Variants in NSUN2 observed in about 807,000 individuals in gnomAD.
NSUN2 encodes the protein RNA cytosine C(5)-methyltransferase NSUN2.
NSUN2 carries 63 observed loss-of-function variants against 92.7 expected under a neutral mutation model. The observed-to-expected ratio is 0.68, with a 90% CI of 0.56 to 0.84. The LOEUF is 0.84. Among genes scored for constraint, NSUN2 ranks in the 40% least tolerant of loss-of-function variants. The pLI, the probability that NSUN2 is intolerant of heterozygous loss-of-function variation, is 0.00. For missense variants in NSUN2, 989 were observed against 964.9 expected (o/e 1.02, Z -0.33); for synonymous variants, 356 against 348.3 (o/e 1.02, Z -0.25).
chr5:6,607,603 T>C (rs1736829125), intron 12 of NSUN2, among the ~76,000 whole-genome samples: 1 of 152,242 alleles, frequency 6.6e-6, no homozygotes, highest in Admixed American at 6.5e-5. Flanking sequence ...AAGCTGATTC[T>C]ACCTTAATCC....
rs1405182175 is a variant in NSUN2 at position 6,632,983 on chromosome 5, C to G, written c.-4G>C. The G allele has an allele frequency of 3.7e-5, 54 of 1,457,492 alleles. No individual in the cohort carries two copies. Among genetic ancestry groups the G allele is most frequent in the Non-Finnish European group, 4.8e-5 (53 of 1,115,668 alleles). 90.3% of individuals were successfully genotyped at this position (1,457,492 alleles called of 1,614,324 possible). ...GACCCCGCGACCGCCGCCCCATAGCCCACGCGGCCGCGCACGCAGCACGCA... is the reference window on the plus strand; with the variant it reads ...GACCCCGCGACCGCCGCCCCATAGCGCACGCGGCCGCGCACGCAGCACGCA... On this transcript the variant is annotated 5_prime_UTR_variant, in exon 1 of 19. Transcript: ENST00000264670.
intron 8 of NSUN2, among the ~76,000 whole-genome samples, chr5:6,617,274 G>A (rs1432039046): frequency 3.9e-5 from 6 of 152,212 alleles, no homozygotes; most frequent in Middle Eastern, 3.4e-3. Context: ...TTATGGAGAC[G>A]AGGCCTCCTG....
At chr5:6,609,272 C>A in intron 12 of NSUN2, among the ~76,000 whole-genome samples, 1 of 152,144 alleles carries the variant, frequency 6.6e-6, no homozygotes. Context: ...CAAAGGACTG[C>A]GTGTTAGGAT....
chr5:6,610,654 A>G (rs1366417948), intron 11 of NSUN2, among the ~76,000 whole-genome samples: 1 of 150,696 alleles, frequency 6.6e-6, no homozygotes. Flanking sequence ...ACTACACTCC[A>G]GCCTGGATGA....
intron 10 of NSUN2, among the ~76,000 whole-genome samples, chr5:6,611,448 T>TAAAAAAAAAAAAAAAAA (rs760872450): frequency 0.028 from 2,365 of 84,982 alleles, 226 homozygotes; most frequent in East Asian, 0.039. Context: ...CGGCCCAATT[T>TAAAAAAAAAAAAAAAAA]AAAAAAAAAA....
chr5:6,622,747 T>C (rs183392200), intron 5 of NSUN2, among the ~76,000 whole-genome samples: 1 of 150,302 alleles, frequency 6.7e-6, no homozygotes, highest in Non-Finnish European at 1.5e-5. Flanking sequence ...CTTGGGAGAC[T>C]GAGGCAGGAG....
chr5:6,601,263 A>G (rs1284174695), intron 18 of NSUN2, among the ~76,000 whole-genome samples: 2 of 152,150 alleles, frequency 1.3e-5, no homozygotes, highest in Non-Finnish European at 2.9e-5. Context: ...CCACACCTTA[A>G]AATATCCCAA....
Position 6,633,012 on chromosome 5 carries a change from A to G in NSUN2, c.-33T>C. The G allele has an allele frequency of 7.1e-7, 1 of 1,415,420 alleles. No homozygotes were observed. Among genetic ancestry groups the G allele is most frequent in the Non-Finnish European group, 9.1e-7 (1 of 1,095,720 alleles). The allele number at this position is 1,415,420 out of a possible 1,614,324, so 87.7% of individuals were successfully genotyped here. On this transcript the variant is annotated 5_prime_UTR_variant, in exon 1 of 19. Coordinates refer to ENST00000264670, the MANE Select transcript of NSUN2 (RefSeq NM_017755.6). ...GCGGCCGCGCACGCAGCACGCAGAA[A>G]CCGGCCCGCCACGGCCAGAACTCTA...
intron 12 of NSUN2, among the ~76,000 whole-genome samples, chr5:6,608,645 A>G (rs1736875036): frequency 6.6e-6 from 1 of 152,264 alleles, no homozygotes; most frequent in South Asian, 2.1e-4. Context: ...AAACCTTTCT[A>G]TGTAAGTATT....
rs374386295 is a variant in NSUN2 at position 6,607,184 on chromosome 5, T to C, written c.1508+16A>G. ...GACACCAGCGTATTAGATCAAGACATAACCACTTTTCTTACCCACACACGC... is the reference window on the plus strand; with the variant it reads ...GACACCAGCGTATTAGATCAAGACACAACCACTTTTCTTACCCACACACGC... On this transcript the variant is annotated intron_variant, in intron 13 of 18. Coordinates refer to ENST00000264670, the MANE Select transcript of NSUN2 (RefSeq NM_017755.6). 2 of 1,612,908 alleles carry C rather than the reference T, an allele frequency of 1.2e-6. No homozygotes were observed. Among genetic ancestry groups the C allele is most frequent in the Non-Finnish European group, 1.7e-6 (2 of 1,179,060 alleles).
Position 6,618,015 on chromosome 5 carries a change from G to A in NSUN2, c.825C>T (p.Gly275=). The A allele has an allele frequency of 1.2e-6, 2 of 1,612,922 alleles. No homozygotes were observed. Among genetic ancestry groups the A allele is most frequent in the Non-Finnish European group, 1.7e-6 (2 of 1,179,162 alleles). Residue 275 remains glycine (G), a synonymous_variant, in exon 8 of 19, where the codon GGC becomes GGT. Coordinates refer to ENST00000264670, the MANE Select transcript of NSUN2 (RefSeq NM_017755.6). ...ILCDVPCSGD[G]TMRKNIDVWK... The stretch of plus-strand genomic sequence containing the variant: ...AAACATCAATGTTTTTTCTCATAGT[G>A]CCGTCTCCACTGGAAAAAAGATATT...
intron 15 of NSUN2, chr5:6,605,057 A>T: frequency 1.5e-6 from 1 of 661,716 alleles, no homozygotes; most frequent in Non-Finnish European, 2.6e-6. Flanking sequence ...GGGCACAGAA[A>T]AGACACAGGC....
intron 12 of NSUN2, among the ~76,000 whole-genome samples, chr5:6,608,417 C>T (rs918070392): frequency 2.6e-5 from 4 of 152,220 alleles, no homozygotes; most frequent in African/African-American, 7.2e-5. Context: ...AGCACCACAA[C>T]AGAACACGGC....
At chr5:6,610,927 C>T (rs746221100) in intron 11 of NSUN2, 28 bp downstream of exon 11, 2 of 1,613,214 alleles carry the variant, frequency 1.2e-6, no homozygotes, top group South Asian at 2.2e-5. Context: ...TTCCCCCCTC[C>T]CCACACCTGG....
chr5:6,632,868 G>C lies in NSUN2; in HGVS notation c.96+16C>G, dbSNP rs1737993191. The C allele has an allele frequency of 1.3e-6, 2 of 1,536,400 alleles. No individual in the cohort carries two copies. The highest frequency in any genetic ancestry group is 1.4e-5 in the African/African-American group (1 of 72,500). On this transcript the variant is annotated intron_variant, in intron 1 of 18. Coordinates refer to ENST00000264670, the MANE Select transcript of NSUN2 (RefSeq NM_017755.6). The stretch of plus-strand genomic sequence containing the variant: ...AGGAGGAGCCCCTGGCCCGCCCGCC[G>C]GGTCCCGGCTCCTACCGCCTCGCCG...
At chr5:6,604,740 T>C (rs369857244) in intron 15 of NSUN2, 55 bp from the exon 16 acceptor site, 1 of 1,438,200 alleles carries the variant, frequency 7.0e-7, no homozygotes, top group Non-Finnish European at 9.8e-7. Flanking sequence ...GACCATCTCC[T>C]GTAAGGATGC....
At chr5:6,632,498 CG>C in intron 2 of NSUN2, 100 bp downstream of exon 2, 1 of 1,375,606 alleles carries the variant, frequency 7.3e-7, no homozygotes, top group Non-Finnish European at 1.0e-6. Flanking sequence ...TGAAACGCCA[CG>C]GTTCTCTGGC....
chr5:6,607,591 TA>T (rs1162060930), intron 12 of NSUN2, among the ~76,000 whole-genome samples: 2 of 152,218 alleles, frequency 1.3e-5, no homozygotes, highest in East Asian at 3.8e-4. Flanking sequence ...TCTTTGGAGT[TA>T]AAGCTGATTC....
rs1491184285 is a variant in NSUN2, at chr5:6,614,094, G to GA, written c.1022-2297_1022-2296insT. 5.6e-4 allele frequency among the ~76,000 whole-genome samples: 30 copies of GA among 53,400 alleles called. 6 individuals are homozygous for GA. The highest frequency in any genetic ancestry group is 7.2e-4 in the African/African-American group (9 of 12,438). 35.0% of individuals were successfully genotyped at this position (53,400 alleles called of 152,430 possible). On this transcript the variant is annotated intron_variant, in intron 9 of 18. Transcript: ENST00000264670. The stretch of plus-strand genomic sequence containing the variant: ...CTGGGCAACAGAGCGAGACTGTCTC[G>GA]GAAAAAAAAAAAAAAAAAAAAAAAA...
Sources: gnomAD v4.1 joint callset for allele counts (sites outside exome capture counted in the v4.1 genomes callset) on GRCh38, gnomAD v4.1.1 for gene constraint, MANE v1.5 for transcripts, NCBI Gene and HGNC (gene_info 2026-07-23, HGNC 2026-07-21) for gene names.